Variants in GRID2 observed in about 807,000 individuals in gnomAD.
GRID2 encodes the protein glutamate ionotropic receptor delta type subunit 2.
In GRID2, 33 loss-of-function variants were observed where a neutral mutation model predicts 114.8. That is an observed-to-expected ratio of 0.29 (90% CI 0.22 to 0.38). The LOEUF (loss-of-function observed/expected upper bound fraction) is 0.38. GRID2 is among the 10% of genes least tolerant of loss of function. The pLI, the probability that GRID2 is intolerant of heterozygous loss-of-function variation, is 1.00. For synonymous variants in GRID2, 505 were observed against 449.9 expected (o/e 1.12, Z -1.55); for missense variants, 1,184 against 1,257.7 (o/e 0.94, Z 0.89).
intron 14 of GRID2, among the ~76,000 whole-genome samples, chr4:93,702,117 A>G (rs1419165312): frequency 4.6e-5 from 7 of 152,156 alleles, no homozygotes; most frequent in Admixed American, 4.6e-4. Context: ...GTGTCTCCAA[A>G]TAATAACTGA....
At chr4:93,607,455 C>G (rs1740371314) in intron 13 of GRID2, among the ~76,000 whole-genome samples, 2 of 152,070 alleles carry the variant, frequency 1.3e-5, no homozygotes, top group African/African-American at 4.8e-5. Context: ...GACTGATGAA[C>G]ATTACCACTA....
At chr4:93,315,203 G>A (rs1348932632) in intron 8 of GRID2, among the ~76,000 whole-genome samples, 2 of 152,032 alleles carry the variant, frequency 1.3e-5, no homozygotes, top group Non-Finnish European at 2.9e-5. Context: ...AGGGGAAACT[G>A]CCCCCATAAT....
rs112742351 is a variant in GRID2, at chr4:93,764,043, C to A, written c.2361-5167C>A. ...CAACTTTCAGCAACCTGTTTTGTAA[C>A]AAATAAATTAATTTGAAAATCATTT... On this transcript the variant is annotated intron_variant, in intron 14 of 15. Transcript: ENST00000282020. Among the ~76,000 whole-genome samples, 1,002 of 152,112 alleles carry A rather than the reference C, an allele frequency of 6.6e-3. 11 individuals are homozygous for A. The highest frequency in any genetic ancestry group is 0.023 in the African/African-American group (966 of 41,492).
rs1171166591 is a variant in GRID2 at position 92,774,406 on chromosome 4, A to G, written c.244+184120A>G. 4.6e-5 allele frequency among the ~76,000 whole-genome samples: 7 copies of G among 152,212 alleles called. No homozygotes were observed. The East Asian group carries it at 5.8e-4, about 13-fold the overall frequency. On this transcript the variant is annotated intron_variant, in intron 2 of 15. Coordinates refer to ENST00000282020, the MANE Select transcript of GRID2 (RefSeq NM_001510.4). Reference sequence around the variant, plus strand: ...GCATCAGTGTAGCTTTTCTTATTCTATGATTGGGCATGCATTATTTGTAGA... The same window carrying G: ...GCATCAGTGTAGCTTTTCTTATTCTGTGATTGGGCATGCATTATTTGTAGA...
At chr4:92,916,425 A>G (rs1386279089) in intron 2 of GRID2, among the ~76,000 whole-genome samples, 2 of 152,120 alleles carry the variant, frequency 1.3e-5, no homozygotes, top group African/African-American at 4.8e-5. Context: ...TTAGTTACAT[A>G]TGTATACACG....
intron 2 of GRID2, among the ~76,000 whole-genome samples, chr4:93,080,870 G>A (rs751516965): frequency 2.6e-5 from 4 of 152,126 alleles, no homozygotes; most frequent in Admixed American, 6.6e-5. Flanking sequence ...ATACACTGGC[G>A]TCTGGAGAAG....
At chr4:92,314,656 A>G (rs1227240459) in intron 1 of GRID2, among the ~76,000 whole-genome samples, 2 of 152,130 alleles carry the variant, frequency 1.3e-5, no homozygotes, top group African/African-American at 2.4e-5. Flanking sequence ...TATAGAAAAA[A>G]GTTGTATGAA....
chr4:92,967,219 A>T (rs1387524419), intron 2 of GRID2, among the ~76,000 whole-genome samples: 1 of 151,962 alleles, frequency 6.6e-6, no homozygotes, highest in African/African-American at 2.4e-5. Flanking sequence ...GGATTCATTG[A>T]GCAAACTAAT....
chr4:93,493,026 A>G (rs1004354052), intron 12 of GRID2, among the ~76,000 whole-genome samples: 1 of 151,780 alleles, frequency 6.6e-6, no homozygotes, highest in Non-Finnish European at 1.5e-5. Context: ...GGCTTATTTC[A>G]CCTAGTGTAA....
intron 7 of GRID2, among the ~76,000 whole-genome samples, chr4:93,228,099 T>C (rs1476032752): frequency 6.6e-6 from 1 of 152,198 alleles, no homozygotes; most frequent in Admixed American, 6.5e-5. Flanking sequence ...CAGGTATTTA[T>C]TATAACAACA....
chr4:93,684,363 C>G (rs1725882464), intron 14 of GRID2, among the ~76,000 whole-genome samples: 1 of 152,110 alleles, frequency 6.6e-6, no homozygotes, highest in African/African-American at 2.4e-5. Flanking sequence ...AGAGAAAAAT[C>G]AGAATATGCT....
intron 11 of GRID2, among the ~76,000 whole-genome samples, chr4:93,472,650 G>A (rs567947288): frequency 5.9e-5 from 9 of 152,276 alleles, no homozygotes; most frequent in African/African-American, 2.4e-5. Flanking sequence ...ATGGAACAAA[G>A]GTTGGAGATA....
intron 14 of GRID2, among the ~76,000 whole-genome samples, chr4:93,670,733 A>G (rs558294355): frequency 6.6e-6 from 1 of 152,284 alleles, no homozygotes; most frequent in East Asian, 1.9e-4. Context: ...AAACAAATCT[A>G]GTTGTCTTTG....
chr4:93,517,482 T>C (rs1684030112), intron 13 of GRID2, among the ~76,000 whole-genome samples: 2 of 152,098 alleles, frequency 1.3e-5, no homozygotes. Context: ...GAATTTATAA[T>C]AGAAAATATC....
intron 2 of GRID2, among the ~76,000 whole-genome samples, chr4:92,935,256 T>C (rs1750572400): frequency 6.8e-6 from 1 of 147,298 alleles, no homozygotes; most frequent in African/African-American, 2.4e-5. Context: ...AAAGAAGACA[T>C]TTATGCAGCC....
intron 2 of GRID2, among the ~76,000 whole-genome samples, chr4:92,910,306 C>A (rs1158227375): frequency 1.3e-5 from 2 of 152,076 alleles, no homozygotes; most frequent in Non-Finnish European, 2.9e-5. Flanking sequence ...AGCCCAATCC[C>A]CCAGAGAACC....
intron 13 of GRID2, among the ~76,000 whole-genome samples, chr4:93,527,287 A>T (rs550301292): frequency 6.6e-6 from 1 of 152,272 alleles, no homozygotes; most frequent in Non-Finnish European, 1.5e-5. Context: ...CCATAACTCT[A>T]TTATTTTTCT....
chr4:92,939,940 C>T (rs1750974763), intron 2 of GRID2, among the ~76,000 whole-genome samples: 2 of 147,058 alleles, frequency 1.4e-5, no homozygotes, highest in Non-Finnish European at 3.0e-5. Context: ...TGTTTTGGTA[C>T]CAGTACCATG....
At chr4:92,472,082 C>T (rs1390028951) in intron 1 of GRID2, among the ~76,000 whole-genome samples, 2 of 116,794 alleles carry the variant, frequency 1.7e-5, no homozygotes, top group African/African-American at 3.8e-5. Flanking sequence ...TACAGGCGCC[C>T]GCCACTACGC....
Sources: allele counts gnomAD v4.1 joint callset (sites outside exome capture counted in the v4.1 genomes callset), GRCh38; gene constraint gnomAD v4.1.1; transcripts MANE v1.5; gene names NCBI Gene and HGNC (gene_info 2026-07-23, HGNC 2026-07-21).